The following CREB5 variants were observed in gnomAD, a reference collection of about 807,000 sequenced individuals.
The protein encoded by CREB5 is cAMP responsive element binding protein 5, also known as cyclic AMP-responsive element-binding protein 5.
CREB5 carries 19 observed loss-of-function variants against 57.1 expected under a neutral mutation model. The observed-to-expected ratio is 0.33, with a 90% CI of 0.23 to 0.49. The LOEUF (loss-of-function observed/expected upper bound fraction) is 0.49, where lower values mean the gene tolerates loss of function less well. CREB5 is among the 20% of genes least tolerant of loss of function. CREB5 has a pLI of 0.99. For missense variants in CREB5, 579 were observed against 671.6 expected, an observed-to-expected ratio of 0.86 and a Z score of 1.52; for synonymous variants, 238 against 238.3, an observed-to-expected ratio of 1.00 and a Z score of 0.01.
chr7:28,430,516 A>G (rs1788671200), intron 1 of CREB5, among the ~76,000 whole-genome samples: 1 of 152,234 alleles, frequency 6.6e-6, no homozygotes, highest in Admixed American at 6.5e-5. Flanking sequence ...AATGCTATGC[A>G]AATTATGAGC....
chr7:28,600,249 T>A (rs1020107278), intron 5 of CREB5, among the ~76,000 whole-genome samples: 1 of 152,156 alleles, frequency 6.6e-6, no homozygotes, highest in East Asian at 1.9e-4. Context: ...GCTATTTGAA[T>A]GGAGGAATTG....
chr7:28,320,879 AC>A (rs1389060789), intron 1 of CREB5, among the ~76,000 whole-genome samples: 2 of 152,228 alleles, frequency 1.3e-5, no homozygotes, highest in Non-Finnish European at 2.9e-5. Context: ...TTATGTAAAA[AC>A]CAAGGTGCAG....
At chr7:28,656,136 A>T (rs935259377) in intron 5 of CREB5, among the ~76,000 whole-genome samples, 6 of 152,234 alleles carry the variant, frequency 3.9e-5, no homozygotes, top group African/African-American at 1.4e-4. Context: ...CCCTATGTGG[A>T]CTGGTCACAT....
At chr7:28,504,435 A>T (rs1465598723) in intron 3 of CREB5, among the ~76,000 whole-genome samples, 1 of 152,178 alleles carries the variant, frequency 6.6e-6, no homozygotes, top group East Asian at 1.9e-4. Flanking sequence ...CTCATTGAGT[A>T]TTGATAGGAG....
chr7:28,473,947 C>T (rs1272957659), intron 1 of CREB5, among the ~76,000 whole-genome samples: 1 of 152,180 alleles, frequency 6.6e-6, no homozygotes, highest in East Asian at 1.9e-4. Context: ...TGGAATTTGG[C>T]TCCTGACAGC....
At chr7:28,426,468 AC>A (rs369874493) in intron 1 of CREB5, among the ~76,000 whole-genome samples, 49 of 152,216 alleles carry the variant, frequency 3.2e-4, no homozygotes, top group African/African-American at 1.2e-3. Context: ...TTGTAGGTGT[AC>A]TCCATATTCA....
intron 4 of CREB5, among the ~76,000 whole-genome samples, chr7:28,524,711 A>T (rs1793366341): frequency 6.6e-6 from 1 of 152,290 alleles, no homozygotes; most frequent in East Asian, 1.9e-4. Flanking sequence ...TTTCTAATTG[A>T]TACATCATAT....
At chr7:28,321,977 T>A (rs6945072) in intron 1 of CREB5, among the ~76,000 whole-genome samples, 61,886 of 152,036 alleles carry the variant, frequency 0.41, 13,030 homozygotes, top group Middle Eastern at 0.47. Flanking sequence ...GATGTAGAAA[T>A]TGGATTTTAT....
intron 5 of CREB5, among the ~76,000 whole-genome samples, chr7:28,650,491 G>A (rs1799083215): frequency 6.6e-6 from 1 of 152,142 alleles, no homozygotes; most frequent in South Asian, 2.1e-4. Context: ...CCAGGACACA[G>A]TCATGCCATT....
intron 5 of CREB5, among the ~76,000 whole-genome samples, chr7:28,607,041 A>G (rs2128673654): frequency 6.6e-6 from 1 of 152,304 alleles, no homozygotes; most frequent in Non-Finnish European, 1.5e-5. Flanking sequence ...ATAGAACACT[A>G]GAACCTATTC....
intron 5 of CREB5, among the ~76,000 whole-genome samples, chr7:28,717,570 A>T (rs751803097): frequency 1.3e-5 from 2 of 152,208 alleles, no homozygotes; most frequent in South Asian, 2.1e-4. Context: ...GGTTGGGAGC[A>T]CTAGACAGGG....
At chr7:28,507,561 C>T in intron 3 of CREB5, 55 bp from the exon 4 acceptor site, 3 of 1,556,012 alleles carry the variant, frequency 1.9e-6, no homozygotes, top group South Asian at 1.2e-5. Flanking sequence ...CTCATGCTTG[C>T]TACTGGCTTT....
intron 1 of CREB5, among the ~76,000 whole-genome samples, chr7:28,445,211 C>A (rs1324584131): frequency 1.3e-5 from 2 of 152,152 alleles, no homozygotes; most frequent in Non-Finnish European, 2.9e-5. Context: ...GTCAATTAAA[C>A]CTGTTTTTCT....
rs572680454 is a variant in CREB5, at chr7:28,349,113, C to T, written c.-25+49672C>T. Among the ~76,000 whole-genome samples, 4 of 152,194 alleles carry T rather than the reference C, an allele frequency of 2.6e-5. No individual in the cohort carries two copies. In the South Asian group the frequency reaches 8.3e-4, roughly 32 times the overall value. ...CAGGCTCTGGGGTGGCAATAACTAT[C>T]CTAAGTGAAGACAGTCCACCGCACA... On this transcript the variant is annotated intron_variant, in intron 1 of 9. Transcript: ENST00000396299.
At chr7:28,695,910 C>G (rs1801533970) in intron 5 of CREB5, among the ~76,000 whole-genome samples, 1 of 151,686 alleles carries the variant, frequency 6.6e-6, no homozygotes, top group African/African-American at 2.4e-5. Flanking sequence ...ACTTTGTGAC[C>G]ACAGAAAACT....
intron 1 of CREB5, among the ~76,000 whole-genome samples, chr7:28,417,864 A>C (rs557796441): frequency 1.3e-5 from 2 of 152,336 alleles, no homozygotes; most frequent in East Asian, 3.9e-4. Flanking sequence ...AATAACTTAG[A>C]CAATAATTCT....
intron 1 of CREB5, among the ~76,000 whole-genome samples, chr7:28,336,394 G>A (rs1007250543): frequency 6.6e-6 from 1 of 151,988 alleles, no homozygotes; most frequent in Non-Finnish European, 1.5e-5. Flanking sequence ...GGCTGCTCAG[G>A]TTTTGGATTT....
intron 5 of CREB5, among the ~76,000 whole-genome samples, chr7:28,718,403 C>G (rs527978491): frequency 1.3e-4 from 20 of 152,352 alleles, no homozygotes; most frequent in African/African-American, 4.6e-4. Flanking sequence ...GGCTCTAAGA[C>G]ACTTCAGAGG....
intron 7 of CREB5, among the ~76,000 whole-genome samples, chr7:28,751,815 G>A (rs1015918824): frequency 3.3e-5 from 5 of 151,538 alleles, no homozygotes; most frequent in Non-Finnish European, 7.4e-5. Context: ...CTTTTTTTCT[G>A]TTCCAGCACC....
Sources: allele counts gnomAD v4.1 joint callset (sites outside exome capture counted in the v4.1 genomes callset), GRCh38; gene constraint gnomAD v4.1.1; transcripts MANE v1.5; gene names NCBI Gene and HGNC (gene_info 2026-07-23, HGNC 2026-07-21).